A2ML1: variants seen among roughly 807,000 people sequenced by gnomAD.
A2ML1 encodes the protein alpha-2-macroglobulin-like protein 1.
A neutral mutation model predicts 181.9 loss-of-function variants in A2ML1; 161 were observed. That is an observed-to-expected ratio of 0.89 (90% CI 0.78 to 1.01). The LOEUF (loss-of-function observed/expected upper bound fraction) is 1.01, where lower values mean the gene tolerates loss of function less well. A2ML1 is among the 50% of genes least tolerant of loss of function. The pLI, the probability that A2ML1 is intolerant of heterozygous loss-of-function variation, is 0.00. For synonymous variants in A2ML1, 663 were observed against 666.8 expected, an observed-to-expected ratio of 0.99 and a Z score of 0.09; for missense variants, 1,670 against 1,768.1, an observed-to-expected ratio of 0.94 and a Z score of 1.00.
chr12:8,871,295 TC>T (rs147305449), intron 33 of A2ML1, among the ~76,000 whole-genome samples: 7,979 of 152,280 alleles, frequency 0.052, 285 homozygotes, highest in Non-Finnish European at 0.081. Context: ...TTGCAGGTGT[TC>T]AGTGTGCACT....
At chr12:8,848,079 G>C (rs1296528558) in intron 15 of A2ML1, among the ~76,000 whole-genome samples, 1 of 151,270 alleles carries the variant, frequency 6.6e-6, no homozygotes, top group East Asian at 1.9e-4. Flanking sequence ...GGGAGGCGGA[G>C]GTTGTATCAT....
intron 16 of A2ML1, among the ~76,000 whole-genome samples, chr12:8,849,148 C>T (rs1057112202): frequency 2.0e-5 from 3 of 152,094 alleles, no homozygotes; most frequent in African/African-American, 7.2e-5. Context: ...TGAGATCAAT[C>T]AGGAGGGAAA....
Position 8,823,277 on chromosome 12 carries a change from C to T in A2ML1, c.158C>T (p.Thr53Met), listed in dbSNP as rs79149293. Residue 53 changes from threonine to methionine, a missense_variant, in exon 2 of 36, where the codon ACG becomes ATG. Coordinates refer to ENST00000299698, the MANE Select transcript of A2ML1 (RefSeq NM_144670.6). ...LSPGYSDVKF[T>M]VTLETKDKTQ... ...CCTGGGTACAGTGATGTTAAATTCA[C>T]GGTTACTCTGGAGACCAAGGACAAG... 1.4e-5 allele frequency: 23 copies of T among 1,614,002 alleles called. No homozygotes were observed. Among genetic ancestry groups the T allele is most frequent in the East Asian group, 1.1e-4 (5 of 44,898 alleles).
chr12:8,872,067 T>C (rs915536245), intron 33 of A2ML1, among the ~76,000 whole-genome samples: 5 of 151,648 alleles, frequency 3.3e-5, no homozygotes, highest in Non-Finnish European at 5.9e-5. Context: ...TAGTCCCAGC[T>C]ACTCAGGTGG....
At chr12:8,844,671 G>C (rs1943605605) in intron 12 of A2ML1, among the ~76,000 whole-genome samples, 1 of 151,590 alleles carries the variant, frequency 6.6e-6, no homozygotes, top group Non-Finnish European at 1.5e-5. Flanking sequence ...CATTGCAGTA[G>C]CTTCCATGGT....
chr12:8,846,161 C>G lies in A2ML1; in HGVS notation c.1622C>G (p.Pro541Arg). The change falls in exon 14 of 36, where the codon CCC becomes CGC. Residue 541 changes from proline to arginine, a missense_variant. Physicochemically the swap from Pro to Arg is moderately radical, Grantham distance 103. Coordinates refer to ENST00000299698, the MANE Select transcript of A2ML1 (RefSeq NM_144670.6). ...TCCCTGGTGATCTATGCCATTTTTC[C>G]CAGTGGAGGTGTTGTAGCTGACAAA... Reference protein sequence around the residue: ...DPSLVIYAIFPSGGVVADKIQ... With the variant: ...DPSLVIYAIFRSGGVVADKIQ... 1 of 1,614,084 alleles carries G rather than the reference C, an allele frequency of 6.2e-7. No homozygotes were observed. The highest frequency in any genetic ancestry group is 1.1e-5 in the South Asian group (1 of 91,078).
intron 28 of A2ML1, among the ~76,000 whole-genome samples, chr12:8,863,395 G>A (rs1194784589): frequency 2.6e-5 from 4 of 151,980 alleles, no homozygotes; most frequent in Non-Finnish European, 4.4e-5. Flanking sequence ...GTGAGCCACC[G>A]CACCCGGCCT....
At chr12:8,835,392 G>T in intron 5 of A2ML1, 115 bp from the exon 6 acceptor site, 1 of 1,268,492 alleles carries the variant, frequency 7.9e-7, no homozygotes, top group Non-Finnish European at 1.1e-6. Context: ...AGACCACAGG[G>T]GTCATGAACA....
chr12:8,843,162 A>G lies in A2ML1; in HGVS notation c.1277A>G (p.Tyr426Cys). 1.9e-6 allele frequency: 3 copies of G among 1,614,216 alleles called. No homozygotes were observed. The highest frequency in any genetic ancestry group is 2.5e-6 in the Non-Finnish European group (3 of 1,180,040). Residue 426 changes from tyrosine (Y) to cysteine (C), a missense_variant, in exon 12 of 36, where the codon TAT becomes TGT. Transcript: ENST00000299698. ...AAGTTTCAAATGGAAGACTTAGTAT[A>G]TAATCCGGAACAAGTGCCACGTTAC... ...EGKFQMEDLV[Y>C]NPEQVPRYYQ... is the part of the protein sequence containing the mutation.
Position 8,849,671 on chromosome 12 carries a change from C to A in A2ML1, c.2031C>A (p.Asp677Glu), listed in dbSNP as rs373281171. Residue 677 changes from aspartate to glutamate, a missense_variant and splice_region_variant, in exon 17 of 36, where the codon GAC becomes GAA. Transcript: ENST00000299698. ...EGTDLFSFFR[D>E]VGLKILSNAK... ...CTTATTTCTCTGATGCCTATCAGGA[C>A]GTGGGCCTGAAAATACTGTCCAATG... The A allele has an allele frequency of 1.2e-6, 2 of 1,613,988 alleles. No homozygotes were observed. The highest frequency in any genetic ancestry group is 1.1e-5 in the South Asian group (1 of 91,064).
intron 12 of A2ML1, among the ~76,000 whole-genome samples, chr12:8,844,230 G>A (rs1943590274): frequency 6.6e-6 from 1 of 151,258 alleles, no homozygotes; most frequent in Non-Finnish European, 1.5e-5. Context: ...GTGGTTGGGA[G>A]GGAGAGTGGG....
Position 8,835,393 on chromosome 12 carries a change from G to A in A2ML1, c.484-114G>A, listed in dbSNP as rs1432685727. 4 of 1,300,852 alleles carry A rather than the reference G, an allele frequency of 3.1e-6. No individual in the cohort carries two copies. In the African/African-American group the frequency reaches 5.8e-5, roughly 19 times the overall value. The allele number at this position is 1,300,852 out of a possible 1,614,324, so 80.6% of individuals were successfully genotyped here. The stretch of plus-strand genomic sequence containing the variant: ...CTCTTCCTGGACACAGACCACAGGG[G>A]TCATGAACAATGGGTGGGGTTTTTT... On this transcript the variant is annotated intron_variant, in intron 5 of 35. Transcript: ENST00000299698.
At position 8,850,189 on chromosome 12, in the gene A2ML1, T is replaced by C. The variant is rs1238150217; in HGVS notation, c.2149T>C (p.Ser717Pro). The change falls in exon 18 of 36, where the codon TCA (serine) becomes CCA (proline). Residue 717 changes from serine (S) to proline (P), a missense_variant. By Grantham distance (74) the Ser-to-Pro change is moderately conservative. Coordinates refer to ENST00000299698, the MANE Select transcript of A2ML1 (RefSeq NM_144670.6). ...CGGTGGTCATCCAGAGGCTTTTGAGTCATCAACTCCTTTACATCAAGCAGA... is the reference window on the plus strand; with the variant it reads ...CGGTGGTCATCCAGAGGCTTTTGAGCCATCAACTCCTTTACATCAAGCAGA... ...AGGGHPEAFE[S>P]STPLHQAEDS... 1.2e-6 allele frequency: 2 copies of C among 1,612,126 alleles called. No individual in the cohort carries two copies. The highest frequency in any genetic ancestry group is 2.7e-5 in the African/African-American group (2 of 74,768).
At chr12:8,822,814 C>A in intron 1 of A2ML1, 101 bp downstream of exon 1, 1 of 1,093,514 alleles carries the variant, frequency 9.1e-7, no homozygotes, top group Admixed American at 1.9e-5. Flanking sequence ...TTTGGTTTAT[C>A]TTAATTTCCT....
chr12:8,841,921 C>T (rs902549287), intron 11 of A2ML1, among the ~76,000 whole-genome samples: 1 of 152,116 alleles, frequency 6.6e-6, no homozygotes, highest in African/African-American at 2.4e-5. Context: ...TTCTAGATAA[C>T]TTATAAGTAT....
chr12:8,846,810 C>A (rs1377118017), intron 14 of A2ML1, among the ~76,000 whole-genome samples: 121 of 130,228 alleles, frequency 9.3e-4, no homozygotes, highest in African/African-American at 1.9e-3. Context: ...GACTCTGTCT[C>A]AAAAAAAAAA....
chr12:8,837,234 G>A (rs1470253135), intron 7 of A2ML1, among the ~76,000 whole-genome samples: 1 of 152,034 alleles, frequency 6.6e-6, no homozygotes, highest in Admixed American at 6.6e-5. Flanking sequence ...TGCCTAGGCT[G>A]GTCTTGAACC....
chr12:8,859,274 G>A (rs1252301938), intron 26 of A2ML1, among the ~76,000 whole-genome samples: 1 of 151,680 alleles, frequency 6.6e-6, no homozygotes, highest in African/African-American at 2.4e-5. Flanking sequence ...CCAGGGCAAG[G>A]ATTAAAAATC....
chr12:8,823,234 G>T lies in A2ML1; in HGVS notation c.115G>T (p.Val39Phe). ...ARLNFPSVQK[V>F]CLDLSPGYSD... ...GCTAAATTTCCCCTCCGTTCAGAAG[G>T]TTTGTTTGGACCTGAGCCCTGGGTA... is the stretch of plus-strand genomic sequence containing the variant. Residue 39 changes from valine to phenylalanine, a missense_variant, in exon 2 of 36, where the codon GTT becomes TTT. Coordinates refer to ENST00000299698, the MANE Select transcript of A2ML1 (RefSeq NM_144670.6). 2 of 1,614,126 alleles carry T rather than the reference G, an allele frequency of 1.2e-6. No individual in the cohort carries two copies. Among genetic ancestry groups the T allele is most frequent in the Non-Finnish European group, 1.7e-6 (2 of 1,180,018 alleles).
Sources: gnomAD v4.1 joint callset for allele counts (sites outside exome capture counted in the v4.1 genomes callset) on GRCh38, gnomAD v4.1.1 for gene constraint, MANE v1.5 for transcripts, NCBI Gene and HGNC (gene_info 2026-07-23, HGNC 2026-07-21) for gene names.